Variants in TMEM163 observed in about 807,000 individuals in gnomAD.
TMEM163 encodes the protein transmembrane protein 163.
A neutral mutation model predicts 29.3 loss-of-function variants in TMEM163; 17 were observed. That is an observed-to-expected ratio of 0.58 (90% CI 0.40 to 0.87). TMEM163 has a LOEUF of 0.87. Ranked by LOEUF, TMEM163 falls within the 40% of genes least tolerant of loss-of-function variation. TMEM163 has a pLI of 0.00. For missense variants in TMEM163, 303 were observed against 381.5 expected, an observed-to-expected ratio of 0.79 and a Z score of 1.71; for synonymous variants, 157 against 160.6, an observed-to-expected ratio of 0.98 and a Z score of 0.17.
intron 4 of TMEM163, among the ~76,000 whole-genome samples, chr2:134,503,887 G>A (rs542070505): frequency 6.6e-5 from 10 of 152,090 alleles, no homozygotes; most frequent in South Asian, 6.3e-4. Context: ...GAAGAGTGAC[G>A]GAAGATGAAG....
At position 134,473,041 on chromosome 2, in the gene TMEM163, G is replaced by C. The variant is rs895709454; in HGVS notation, c.556-6816C>G. 2.6e-5 allele frequency among the ~76,000 whole-genome samples: 4 copies of C among 152,082 alleles called. No individual in the cohort carries two copies. The East Asian group carries it at 7.7e-4, about 29-fold the overall frequency. ...ACAATATATTTTGAAGTGAAATAAA[G>C]TAGAACAACAGTATACTGAAATTAG... On this transcript the variant is annotated intron_variant, in intron 5 of 7. Coordinates refer to ENST00000281924, the MANE Select transcript of TMEM163 (RefSeq NM_030923.5).
At chr2:134,500,446 T>A (rs769681039) in intron 5 of TMEM163, among the ~76,000 whole-genome samples, 1 of 152,178 alleles carries the variant, frequency 6.6e-6, no homozygotes, top group South Asian at 2.1e-4. Flanking sequence ...AGATGGGAGC[T>A]CACACAGCTT....
intron 2 of TMEM163, among the ~76,000 whole-genome samples, chr2:134,676,938 T>C (rs561483902): frequency 3.9e-5 from 6 of 152,086 alleles, no homozygotes; most frequent in African/African-American, 4.8e-5. Flanking sequence ...CCACCATAAA[T>C]AGGGCAGGAA....
chr2:134,659,325 C>A (rs114301537), intron 2 of TMEM163, among the ~76,000 whole-genome samples: 1,697 of 152,260 alleles, frequency 0.011, 36 homozygotes, highest in African/African-American at 0.037. Flanking sequence ...AACTGTACTT[C>A]AAAAAGAATT....
intron 4 of TMEM163, among the ~76,000 whole-genome samples, chr2:134,544,611 T>C (rs1680740829): frequency 6.6e-6 from 1 of 152,048 alleles, no homozygotes; most frequent in South Asian, 2.1e-4. Context: ...CTGGCCAACA[T>C]GGTGAAACCC....
chr2:134,626,798 C>G (rs1384884164), intron 2 of TMEM163, among the ~76,000 whole-genome samples: 1 of 152,188 alleles, frequency 6.6e-6, no homozygotes, highest in Non-Finnish European at 1.5e-5. Flanking sequence ...TCTCCTGTTG[C>G]TTCTGTTAGG....
intron 2 of TMEM163, among the ~76,000 whole-genome samples, chr2:134,691,712 C>T (rs1176730271): frequency 6.6e-6 from 1 of 152,200 alleles, no homozygotes; most frequent in African/African-American, 2.4e-5. Flanking sequence ...TTGTTTACCA[C>T]TCTGACAAAA....
chr2:134,664,788 C>T (rs1275264691), intron 2 of TMEM163, among the ~76,000 whole-genome samples: 1 of 152,278 alleles, frequency 6.6e-6, no homozygotes, highest in East Asian at 1.9e-4. Context: ...ACCCTGCTGC[C>T]ATCTTGATTT....
At chr2:134,684,988 C>A (rs752649166) in intron 2 of TMEM163, among the ~76,000 whole-genome samples, 1 of 151,470 alleles carries the variant, frequency 6.6e-6, no homozygotes, top group Non-Finnish European at 1.5e-5. Context: ...TACACAAACA[C>A]GGCACTCCAA....
chr2:134,550,787 C>T (rs1202645530), intron 3 of TMEM163, 126 bp from the exon 4 acceptor site: 4 of 884,034 alleles, frequency 4.5e-6, no homozygotes, highest in Non-Finnish European at 7.2e-6. Context: ...AGAGGTCTCC[C>T]ATCATTACGA....
intron 2 of TMEM163, among the ~76,000 whole-genome samples, chr2:134,704,639 C>T (rs934906811): frequency 6.6e-6 from 1 of 152,148 alleles, no homozygotes; most frequent in African/African-American, 2.4e-5. Context: ...CCCAGGGTAT[C>T]GACCTACGAA....
chr2:134,469,692 A>T (rs909925343), intron 5 of TMEM163: 3 of 152,246 alleles, frequency 2.0e-5, no homozygotes, highest in African/African-American at 7.2e-5. Context: ...GAGCCCATGG[A>T]TTCTCCGCTC....
intron 2 of TMEM163, among the ~76,000 whole-genome samples, chr2:134,639,254 T>C (rs985734347): frequency 1.4e-4 from 22 of 152,124 alleles, no homozygotes; most frequent in African/African-American, 4.8e-4. Flanking sequence ...AGGAAGACTG[T>C]TTGGCATTCG....
chr2:134,510,718 A>G (rs1245967507), intron 4 of TMEM163, among the ~76,000 whole-genome samples: 1 of 152,160 alleles, frequency 6.6e-6, no homozygotes, highest in East Asian at 1.9e-4. Context: ...AGGAGCCGGT[A>G]GTGAGTCTGT....
chr2:134,480,176 C>A (rs897836327), intron 5 of TMEM163, among the ~76,000 whole-genome samples: 1 of 152,190 alleles, frequency 6.6e-6, no homozygotes, highest in Non-Finnish European at 1.5e-5. Flanking sequence ...AAAGGGGACT[C>A]CTCTGCCCTC....
At chr2:134,541,120 T>G (rs549519011) in intron 4 of TMEM163, among the ~76,000 whole-genome samples, 1 of 152,344 alleles carries the variant, frequency 6.6e-6, no homozygotes, top group South Asian at 2.1e-4. Flanking sequence ...AATTACTAAG[T>G]TGTGCTTCCT....
chr2:134,515,451 A>G (rs1482494141), intron 4 of TMEM163, among the ~76,000 whole-genome samples: 1 of 152,172 alleles, frequency 6.6e-6, no homozygotes, highest in Non-Finnish European at 1.5e-5. Flanking sequence ...TTAGTAACCT[A>G]TTTTCCAGTG....
In TMEM163 at chr2:134,493,618, C is replaced by T. The variant is rs190738195; in HGVS notation, c.555+9283G>A. Reference sequence around the variant, plus strand: ...AACTCCTGACCTCAGGCGATCTGCCCGCCTCGGCCTCCCGAAGTGCTGGGA... The same window carrying T: ...AACTCCTGACCTCAGGCGATCTGCCTGCCTCGGCCTCCCGAAGTGCTGGGA... On this transcript the variant is annotated intron_variant, in intron 5 of 7. Coordinates refer to ENST00000281924, the MANE Select transcript of TMEM163 (RefSeq NM_030923.5). Among the ~76,000 whole-genome samples, 28 of 152,138 alleles carry T rather than the reference C, an allele frequency of 1.8e-4. No individual in the cohort carries two copies. The East Asian group carries it at 4.7e-3, about 25-fold the overall frequency.
intron 2 of TMEM163, among the ~76,000 whole-genome samples, chr2:134,630,858 A>G (rs1004832017): frequency 1.3e-5 from 2 of 152,190 alleles, no homozygotes; most frequent in Admixed American, 6.5e-5. Flanking sequence ...TGTGTGAGGG[A>G]CAGAGGGGGA....
Sources: allele counts gnomAD v4.1 joint callset (sites outside exome capture counted in the v4.1 genomes callset), GRCh38; gene constraint gnomAD v4.1.1; transcripts MANE v1.5; gene names NCBI Gene and HGNC (gene_info 2026-07-23, HGNC 2026-07-21).